The following ENTPD1 variants were observed in gnomAD, a reference collection of about 807,000 sequenced individuals.
The protein encoded by ENTPD1 is ectonucleoside triphosphate diphosphohydrolase 1.
In ENTPD1, 33 loss-of-function variants were observed where a neutral mutation model predicts 57.0. The observed-to-expected ratio is 0.58, with a 90% CI of 0.44 to 0.77. ENTPD1 has a LOEUF of 0.77. Ranked by LOEUF, ENTPD1 falls within the 30% of genes least tolerant of loss-of-function variation. ENTPD1 has a pLI of 0.00. For synonymous variants in ENTPD1, 202 were observed against 218.8 expected, an observed-to-expected ratio of 0.92 and a Z score of 0.68; for missense variants, 501 against 603.4, an observed-to-expected ratio of 0.83 and a Z score of 1.78.
intron 1 of ENTPD1, among the ~76,000 whole-genome samples, chr10:95,759,083 GA>G (rs1175803745): frequency 6.6e-6 from 1 of 152,122 alleles, no homozygotes; most frequent in Non-Finnish European, 1.5e-5. Context: ...TTAGCACCTT[GA>G]GTTCCCTAAT....
intron 1 of ENTPD1, among the ~76,000 whole-genome samples, chr10:95,762,209 CAAAA>C (rs59588135): frequency 5.1e-5 from 4 of 78,498 alleles, no homozygotes; most frequent in Non-Finnish European, 3.0e-5. Flanking sequence ...TAAAAAGAAG[CAAAA>C]AAAAAAAAAA....
At chr10:95,731,913 C>T (rs61869573) in intron 1 of ENTPD1, among the ~76,000 whole-genome samples, 40,625 of 150,442 alleles carry the variant, frequency 0.27, 6,298 homozygotes, top group Admixed American at 0.39. Context: ...TTCCCGAGTA[C>T]CTGCGATTAC....
At chr10:95,783,182 G>A (rs989836650) in intron 1 of ENTPD1, among the ~76,000 whole-genome samples, 4 of 152,048 alleles carry the variant, frequency 2.6e-5, no homozygotes, top group Non-Finnish European at 4.4e-5. Flanking sequence ...TACCATTGTC[G>A]CTGTTCTATT....
chr10:95,821,893 G>T (rs963510424), intron 1 of ENTPD1, among the ~76,000 whole-genome samples: 1 of 151,952 alleles, frequency 6.6e-6, no homozygotes, highest in Non-Finnish European at 1.5e-5. Context: ...AGTTGAGAGA[G>T]GAGGAGGTTG....
intron 1 of ENTPD1, among the ~76,000 whole-genome samples, chr10:95,746,643 C>T (rs11188465): frequency 0.5 from 76,252 of 151,880 alleles, 19,630 homozygotes; most frequent in Admixed American, 0.6. Flanking sequence ...CAAGAAGGGA[C>T]GGGGCATTTT....
rs1379388267 is a variant in ENTPD1 at position 95,845,421 on chromosome 10, AC to A, written c.640del (p.Gly216GlufsTer75). On this transcript the variant is annotated frameshift_variant, in exon 6 of 10. Transcript: ENST00000371205. LOFTEE classifies it high-confidence loss of function. ...AATCAGGAAACCTTTGGAGCTTTGG[AC>A]CTTGGGGGAGCCTCTACACAAGTCA... The part of the protein sequence containing the change: ...TNNQETFGAL[D>X]LGGASTQVTF... The A allele has an allele frequency of 5.0e-6, 8 of 1,614,052 alleles. No individual in the cohort carries two copies. In the Admixed American group the frequency reaches 1.2e-4, roughly 24 times the overall value.
intron 1 of ENTPD1, among the ~76,000 whole-genome samples, chr10:95,810,312 G>A (rs2098299284): frequency 6.9e-6 from 1 of 144,456 alleles, no homozygotes; most frequent in South Asian, 2.2e-4. Flanking sequence ...GCTGGGCAGA[G>A]GTGCTCCTCA....
chr10:95,856,671 T>TATATACAC (rs571622251), intron 7 of ENTPD1, among the ~76,000 whole-genome samples: 3 of 146,800 alleles, frequency 2.0e-5, no homozygotes, highest in South Asian at 2.1e-4. Flanking sequence ...TATATATATA[T>TATATACAC]ACACACACAT....
intron 1 of ENTPD1, among the ~76,000 whole-genome samples, chr10:95,818,137 A>G (rs570394599): frequency 6.6e-6 from 1 of 152,336 alleles, no homozygotes; most frequent in South Asian, 2.1e-4. Context: ...GACTTGGAGA[A>G]TGAGGGGAAT....
At chr10:95,715,689 C>T (rs950398218) in intron 1 of ENTPD1, among the ~76,000 whole-genome samples, 1 of 152,082 alleles carries the variant, frequency 6.6e-6, no homozygotes, top group Non-Finnish European at 1.5e-5. Context: ...ATATAATTCA[C>T]ATACCTTTAA....
the ENTPD1 span, among the ~76,000 whole-genome samples, chr10:95,703,002 G>A: frequency 1.3e-5 from 2 of 151,926 alleles, no homozygotes; most frequent in African/African-American, 2.4e-5. Context: ...GGCCAGGCTG[G>A]TTTTGAATTC....
At chr10:95,823,906 T>C (rs187288111) in intron 2 of ENTPD1, among the ~76,000 whole-genome samples, 52 of 152,350 alleles carry the variant, frequency 3.4e-4, no homozygotes, top group Non-Finnish European at 6.3e-4. Context: ...TATACGTGTA[T>C]CAGGTATAGT....
intron 1 of ENTPD1, among the ~76,000 whole-genome samples, chr10:95,745,324 A>C (rs1408115762): frequency 6.6e-6 from 1 of 152,168 alleles, no homozygotes; most frequent in African/African-American, 2.4e-5. Context: ...GATGGGATAT[A>C]GACATGAGCC....
chr10:95,848,598 C>T (rs1031356831), intron 7 of ENTPD1, among the ~76,000 whole-genome samples: 7 of 152,106 alleles, frequency 4.6e-5, no homozygotes, highest in Non-Finnish European at 8.8e-5. Flanking sequence ...CAGCTTGCTT[C>T]CATGCCGCCA....
At chr10:95,818,340 T>G (rs940403757) in intron 1 of ENTPD1, among the ~76,000 whole-genome samples, 1 of 152,036 alleles carries the variant, frequency 6.6e-6, no homozygotes, top group Non-Finnish European at 1.5e-5. Context: ...GATCTGTTGG[T>G]TGGAATGGTA....
At position 95,869,931 on chromosome 10, in the gene ENTPD1, A is replaced by G; in HGVS notation, c.*3548A>G. ...TGTGTTCACCTCACATGTGGCTTGT[A>G]GCTACCATACTGGACAGCACATGTC... is the stretch of plus-strand genomic sequence containing the variant. On this transcript the variant is annotated 3_prime_UTR_variant, in exon 10 of 10. Coordinates refer to ENST00000371205, the MANE Select transcript of ENTPD1 (RefSeq NM_001776.6). 1 of 981,294 alleles carries G rather than the reference A, an allele frequency of 1.0e-6. No individual in the cohort carries two copies. Among genetic ancestry groups the G allele is most frequent in the Non-Finnish European group, 1.2e-6 (1 of 826,132 alleles). 60.8% of individuals were successfully genotyped at this position (981,294 alleles called of 1,614,324 possible).
Position 95,845,380 on chromosome 10 carries a change from C to T in ENTPD1, c.597C>T (p.Val199=), listed in dbSNP as rs1457749704. 4 of 1,614,166 alleles carry T rather than the reference C, an allele frequency of 2.5e-6. No individual in the cohort carries two copies. The highest frequency in any genetic ancestry group is 2.2e-5 in the East Asian group (1 of 44,888). The part of the protein sequence containing the change: ...FSQKTRWFSI[V]PYETNNQETF... Reference sequence around the variant, plus strand: ...AGAAAACAAGGTGGTTCAGCATAGTCCCATATGAAACCAATAATCAGGAAA... The same window carrying T: ...AGAAAACAAGGTGGTTCAGCATAGTTCCATATGAAACCAATAATCAGGAAA... The change falls in exon 6 of 10, where the codon GTC becomes GTT. Residue 199 remains valine (V), a synonymous_variant. Coordinates refer to ENST00000371205, the MANE Select transcript of ENTPD1 (RefSeq NM_001776.6).
intron 1 of ENTPD1, among the ~76,000 whole-genome samples, chr10:95,747,476 A>G (rs2139891924): frequency 6.6e-6 from 1 of 152,308 alleles, no homozygotes; most frequent in African/African-American, 2.4e-5. Context: ...AGAACTGGAA[A>G]CAATATAGAG....
At chr10:95,781,326 A>G (rs2098156943) in intron 1 of ENTPD1, among the ~76,000 whole-genome samples, 1 of 152,152 alleles carries the variant, frequency 6.6e-6, no homozygotes, top group African/African-American at 2.4e-5. Flanking sequence ...GAAAGAATGA[A>G]TAAGACCTAG....
Sources: allele counts gnomAD v4.1 joint callset (sites outside exome capture counted in the v4.1 genomes callset), GRCh38; gene constraint gnomAD v4.1.1; transcripts MANE v1.5; gene names NCBI Gene and HGNC (gene_info 2026-07-23, HGNC 2026-07-21).